Variants in SV2C observed in about 807,000 individuals in gnomAD.
SV2C encodes the protein solute carrier family 22 member B3.
Under a neutral mutation model 79.7 loss-of-function variants are expected in SV2C, and 49 were observed. The ratio of observed to expected loss-of-function variants is 0.61; its 90% CI spans 0.49 to 0.78. The LOEUF is 0.78. Among genes scored for constraint, SV2C ranks in the 30% least tolerant of loss-of-function variants. SV2C has a pLI of 0.00. For synonymous variants in SV2C, 334 were observed against 333.2 expected (o/e 1.00, Z -0.03); for missense variants, 833 against 912.9 (o/e 0.91, Z 1.13).
chr5:76,283,873 A>G (rs900689980), intron 4 of SV2C, among the ~76,000 whole-genome samples: 1 of 152,222 alleles, frequency 6.6e-6, no homozygotes, highest in Non-Finnish European at 1.5e-5. Flanking sequence ...ACTAAGGTGT[A>G]ACTTCAGCTC....
At chr5:75,899,183 C>T in the SV2C span, among the ~76,000 whole-genome samples, 1,597 of 152,242 alleles carry the variant, frequency 0.01, 38 homozygotes, top group African/African-American at 0.037. Context: ...TTGGATCTTT[C>T]CTGCTTTCTC....
At position 76,290,636 on chromosome 5, in the gene SV2C, A is replaced by G. The variant is rs7712161; in HGVS notation, c.1138-585A>G. Among the ~76,000 whole-genome samples, 1,089 of 152,262 alleles carry G rather than the reference A, an allele frequency of 7.2e-3. 10 individuals are homozygous for G. Among genetic ancestry groups the G allele is most frequent in the African/African-American group, 0.026 (1,064 of 41,556 alleles). On this transcript the variant is annotated intron_variant, in intron 6 of 12. Transcript: ENST00000502798. Reference sequence around the variant, plus strand: ...TTTATTTCCCTTATATGGCTGAGAAATTCATGTTGATGCTTGCAGTCAAAA... The same window carrying G: ...TTTATTTCCCTTATATGGCTGAGAAGTTCATGTTGATGCTTGCAGTCAAAA...
At chr5:76,297,102 G>A (rs1747798060) in intron 9 of SV2C, among the ~76,000 whole-genome samples, 1 of 152,124 alleles carries the variant, frequency 6.6e-6, no homozygotes, top group Non-Finnish European at 1.5e-5. Context: ...TTTTACATTA[G>A]CAATATAATG....
chr5:76,135,826 G>A (rs571813098), intron 2 of SV2C, among the ~76,000 whole-genome samples: 1 of 152,212 alleles, frequency 6.6e-6, no homozygotes, highest in East Asian at 1.9e-4. Flanking sequence ...GGTTGTTGAG[G>A]GGGGCAGGTA....
chr5:75,973,076 A>G, the SV2C span, among the ~76,000 whole-genome samples: 3 of 152,194 alleles, frequency 2.0e-5, no homozygotes, highest in South Asian at 6.2e-4. Flanking sequence ...TATTGCAAGG[A>G]CAAAAAACCA....
the SV2C span, among the ~76,000 whole-genome samples, chr5:75,991,077 A>C: frequency 6.6e-6 from 1 of 151,948 alleles, no homozygotes; most frequent in Non-Finnish European, 1.5e-5. Context: ...CATCCTAGAG[A>C]AATGTGACAA....
the SV2C span, among the ~76,000 whole-genome samples, chr5:75,963,621 A>T: frequency 6.6e-6 from 1 of 152,034 alleles, no homozygotes; most frequent in Non-Finnish European, 1.5e-5. Flanking sequence ...ACATTTTACC[A>T]TGGTGTGCTT....
rs567533458 is a variant in SV2C, at chr5:76,328,769, A to ATT, written c.*3235_*3236dup. The ATT allele has an allele frequency of 3.5e-5, 5 of 144,096 alleles. No individual in the cohort carries two copies. Among genetic ancestry groups the ATT allele is most frequent in the East Asian group, 4.1e-4 (2 of 4,922 alleles). The allele number at this position is 144,096 out of a possible 1,614,324, so 8.9% of individuals were successfully genotyped here. A position where few individuals can be genotyped will look rare whatever the true frequency, so the allele number is the denominator to read the frequency against. ...TTATCTGCCTTCTTATGCTAAACTC[A>ATT]TTTTTTTTTTTTTTAGGTGGAGTTT... On this transcript the variant is annotated 3_prime_UTR_variant, in exon 13 of 13. Transcript: ENST00000502798.
chr5:76,300,156 A>ATTATTATT (rs1747932180), intron 10 of SV2C, among the ~76,000 whole-genome samples: 1 of 139,676 alleles, frequency 7.2e-6, no homozygotes. Flanking sequence ...TCAAATAAAA[A>ATTATTATT]ATTATTATTA....
At chr5:76,244,188 A>G (rs903144844) in intron 4 of SV2C, among the ~76,000 whole-genome samples, 3 of 152,208 alleles carry the variant, frequency 2.0e-5, no homozygotes, top group African/African-American at 7.2e-5. Flanking sequence ...CAGGCCTAGA[A>G]AAGAACCAAA....
chr5:75,919,750 G>A, the SV2C span, among the ~76,000 whole-genome samples: 11 of 152,324 alleles, frequency 7.2e-5, no homozygotes, highest in Admixed American at 5.2e-4. Flanking sequence ...AATACACTCA[G>A]CTTTGTCTTA....
At chr5:76,273,185 A>T (rs1039688622) in intron 4 of SV2C, among the ~76,000 whole-genome samples, 3 of 148,990 alleles carry the variant, frequency 2.0e-5, no homozygotes, top group Non-Finnish European at 3.0e-5. Context: ...ACATATATAT[A>T]TTTTTAACTT....
At chr5:76,239,405 CG>C (rs1450236238) in intron 4 of SV2C, among the ~76,000 whole-genome samples, 4 of 152,122 alleles carry the variant, frequency 2.6e-5, no homozygotes, top group African/African-American at 9.7e-5. Flanking sequence ...TCCAAAACTC[CG>C]TGGCTTAAAA....
At chr5:76,291,973 A>C in intron 8 of SV2C, 117 bp downstream of exon 8, 1 of 688,736 alleles carries the variant, frequency 1.5e-6, no homozygotes, top group Non-Finnish European at 2.4e-6. Context: ...TAAGGAAGAA[A>C]TTTTTTTCAG....
chr5:75,970,159 G>C, the SV2C span, among the ~76,000 whole-genome samples: 1,544 of 152,110 alleles, frequency 0.01, 32 homozygotes, highest in African/African-American at 0.033. Flanking sequence ...GAATCTCTTG[G>C]ACACATTCAA....
chr5:76,219,451 A>G (rs1745004060), intron 4 of SV2C, among the ~76,000 whole-genome samples: 1 of 152,226 alleles, frequency 6.6e-6, no homozygotes, highest in South Asian at 2.1e-4. Flanking sequence ...AGTAGATGTG[A>G]AATTTTAAAA....
At chr5:75,962,106 C>T in the SV2C span, among the ~76,000 whole-genome samples, 1 of 152,096 alleles carries the variant, frequency 6.6e-6, no homozygotes, top group Admixed American at 6.6e-5. Context: ...GGGCAAGAAA[C>T]AGAAAATGCA....
intron 2 of SV2C, among the ~76,000 whole-genome samples, chr5:76,157,128 T>C (rs1269462346): frequency 6.6e-6 from 1 of 151,894 alleles, no homozygotes; most frequent in Non-Finnish European, 1.5e-5. Flanking sequence ...ATAGTAAAAA[T>C]GCTGAGAATC....
chr5:76,338,434 T>C (rs1749368641), downstream of SV2C, among the ~76,000 whole-genome samples: 1 of 152,234 alleles, frequency 6.6e-6, no homozygotes, highest in South Asian at 2.1e-4. Flanking sequence ...CAAATTCAGG[T>C]TTGGGTGGGG....
Sources: allele counts gnomAD v4.1 joint callset (sites outside exome capture counted in the v4.1 genomes callset), GRCh38; gene constraint gnomAD v4.1.1; transcripts MANE v1.5; gene names NCBI Gene and HGNC (gene_info 2026-07-23, HGNC 2026-07-21).